Variants in FAM20C observed in about 807,000 individuals in gnomAD.
FAM20C encodes extracellular serine/threonine protein kinase FAM20C.
FAM20C carries 40 observed loss-of-function variants against 51.5 expected under a neutral mutation model. That is an observed-to-expected ratio of 0.78 (90% CI 0.60 to 1.01). The LOEUF (loss-of-function observed/expected upper bound fraction) is 1.01, where lower values mean the gene tolerates loss of function less well. FAM20C is among the 50% of genes least tolerant of loss of function. The pLI, the probability that FAM20C is intolerant of heterozygous loss-of-function variation, is 0.00. For synonymous variants in FAM20C, 406 were observed against 380.6 expected (o/e 1.07, Z -0.78); for missense variants, 861 against 844.7 (o/e 1.02, Z -0.24).
chr7:218,260 T>C (rs1787094945), intron 3 of FAM20C, among the ~76,000 whole-genome samples: 1 of 152,110 alleles, frequency 6.6e-6, no homozygotes, highest in Non-Finnish European at 1.5e-5. Flanking sequence ...TGTGGGGCCT[T>C]TCCGGCAGCT....
In FAM20C at chr7:235,127, G is replaced by A. The variant is rs1018856951; in HGVS notation, c.864-11288G>A. Among the ~76,000 whole-genome samples the A allele has an allele frequency of 5.5e-3, 836 of 151,956 alleles. 5 individuals are homozygous for A. Among genetic ancestry groups the A allele is most frequent in the Non-Finnish European group, 8.0e-3 (541 of 67,906 alleles). On this transcript the variant is annotated intron_variant, in intron 3 of 9. Transcript: ENST00000313766. The stretch of plus-strand genomic sequence containing the variant: ...ACTGTTTACACTGAGCCCAGGCTGC[G>A]GCATTTTCAAACTGTTTACACTGAG...
At chr7:240,951 G>T (rs936852769) in intron 3 of FAM20C, among the ~76,000 whole-genome samples, 1 of 152,192 alleles carries the variant, frequency 6.6e-6, no homozygotes, top group Non-Finnish European at 1.5e-5. Flanking sequence ...CTGAGCAGGG[G>T]GTGGGGCTGA....
intron 7 of FAM20C, 73 bp downstream of exon 7, chr7:256,836 G>A: frequency 6.8e-7 from 1 of 1,467,974 alleles, no homozygotes; most frequent in Non-Finnish European, 9.2e-7. Flanking sequence ...GGGCTCTGCA[G>A]GGCACACTCC....
In FAM20C at chr7:195,839, T is replaced by C. The variant is rs1298152681; in HGVS notation, c.784+107T>C. The stretch of plus-strand genomic sequence containing the variant: ...AGAGGTCTGGGAGGCCGTTGCTCAT[T>C]ACGGCAGCGTCACCTCCTGCAGCAA... On this transcript the variant is annotated intron_variant, in intron 2 of 9. Coordinates refer to ENST00000313766, the MANE Select transcript of FAM20C (RefSeq NM_020223.4). The C allele has an allele frequency of 2.7e-6, 3 of 1,121,762 alleles. No homozygotes were observed. The Admixed American group carries it at 1.1e-4, about 41-fold the overall frequency. The allele number at this position is 1,121,762 out of a possible 1,614,324, so 69.5% of individuals were successfully genotyped here.
At chr7:254,924 T>C (rs1352301884) in intron 5 of FAM20C, among the ~76,000 whole-genome samples, 1 of 133,764 alleles carries the variant, frequency 7.5e-6, no homozygotes, top group Non-Finnish European at 1.6e-5. Context: ...TTCATTCCTC[T>C]TCTTGTTTCA....
At chr7:222,555 G>T (rs1445438226) in intron 3 of FAM20C, among the ~76,000 whole-genome samples, 2 of 152,158 alleles carry the variant, frequency 1.3e-5, no homozygotes, top group African/African-American at 4.8e-5. Flanking sequence ...CCCTCCTGGG[G>T]GCTCTGAGAC....
intron 3 of FAM20C, among the ~76,000 whole-genome samples, chr7:236,945 G>T (rs1043546686): frequency 1.3e-5 from 2 of 152,212 alleles, no homozygotes; most frequent in South Asian, 2.1e-4. Context: ...CCTCTTCCAG[G>T]AGTGGGACAT....
rs532631389 is a variant in FAM20C, at chr7:208,795, A to G, written c.785-103A>G. The G allele has an allele frequency of 7.6e-5, 90 of 1,187,824 alleles. No homozygotes were observed. The African/African-American group carries it at 1.2e-3, about 15-fold the overall frequency. The allele number at this position is 1,187,824 out of a possible 1,614,324, so 73.6% of individuals were successfully genotyped here. On this transcript the variant is annotated intron_variant, in intron 2 of 9. Coordinates refer to ENST00000313766, the MANE Select transcript of FAM20C (RefSeq NM_020223.4). The stretch of plus-strand genomic sequence containing the variant: ...CCAGGCAGAGTGGGACCCCTGGACC[A>G]TGCCCAGAGGACCCGGATTGCAGCC...
chr7:193,414 C>T lies in FAM20C; in HGVS notation c.215C>T (p.Ala72Val). The T allele has an allele frequency of 1.4e-6, 2 of 1,412,524 alleles. No individual in the cohort carries two copies. The highest frequency in any genetic ancestry group is 1.9e-6 in the Non-Finnish European group (2 of 1,071,726). 87.5% of individuals were successfully genotyped at this position (1,412,524 alleles called of 1,614,324 possible). Residue 72 changes from alanine to valine, a missense_variant, in exon 1 of 10, where the codon GCC (alanine) becomes GTC (valine). This residue lies in a region of FAM20C where 561 missense variants were observed against 499.8 expected (regional missense o/e 1.12). Transcript: ENST00000313766. The stretch of plus-strand genomic sequence containing the variant: ...CGGGGCCGCCCCGGGGAGCCCCCGG[C>T]CGCCTCCTCCGCCGCCGGCGACGCG... ...QVRGRPGEPP[A>V]ASSAAGDAGW...
intron 3 of FAM20C, among the ~76,000 whole-genome samples, chr7:210,241 C>G (rs888417450): frequency 6.6e-6 from 1 of 152,180 alleles, no homozygotes; most frequent in African/African-American, 2.4e-5. Context: ...CCTGAGATCA[C>G]AAGCACTTCC....
At chr7:251,194 GGC>G (rs1238114028) in intron 5 of FAM20C, among the ~76,000 whole-genome samples, 4 of 149,914 alleles carry the variant, frequency 2.7e-5, no homozygotes, top group African/African-American at 9.9e-5. Context: ...GGCCGGGCAC[GGC>G]GGCTCACGGC....
intron 5 of FAM20C, among the ~76,000 whole-genome samples, chr7:251,670 C>T (rs1162924928): frequency 2.6e-5 from 4 of 152,206 alleles, no homozygotes; most frequent in Admixed American, 6.5e-5. Context: ...TGCTGCAAGG[C>T]GGCCATCGAC....
intron 3 of FAM20C, among the ~76,000 whole-genome samples, chr7:231,336 C>G (rs898368071): frequency 1.3e-5 from 2 of 152,236 alleles, no homozygotes; most frequent in South Asian, 2.1e-4. Context: ...GTGAATGACA[C>G]GCATCAGTGG....
At chr7:236,857 G>GA (rs2039790158) in intron 3 of FAM20C, among the ~76,000 whole-genome samples, 1 of 152,112 alleles carries the variant, frequency 6.6e-6, no homozygotes, top group Admixed American at 6.5e-5. Context: ...GGGTGCCCTG[G>GA]AATCTGGGGT....
At chr7:241,689 CAT>C (rs1223401556) in intron 3 of FAM20C, among the ~76,000 whole-genome samples, 6 of 152,024 alleles carry the variant, frequency 3.9e-5, no homozygotes, top group South Asian at 2.1e-4. Context: ...TATCTGTGCA[CAT>C]ATGTGTGTGC....
At chr7:246,531 A>G (rs1788168582) in intron 4 of FAM20C, 24 bp downstream of exon 4, 1 of 1,497,984 alleles carries the variant, frequency 6.7e-7, no homozygotes, top group Non-Finnish European at 8.9e-7. Context: ...TCCTCCCTCC[A>G]TCCGCGCTCC....
At chr7:245,938 C>T (rs1458012905) in intron 3 of FAM20C, 2 of 153,842 alleles carry the variant, frequency 1.3e-5, no homozygotes, top group African/African-American at 4.8e-5. Context: ...GTGGGGGAGA[C>T]TCGGAAACCA....
At chr7:217,890 C>T (rs1562377247) in intron 3 of FAM20C, among the ~76,000 whole-genome samples, 1 of 152,080 alleles carries the variant, frequency 6.6e-6, no homozygotes, top group Non-Finnish European at 1.5e-5. Flanking sequence ...TGGTGGTGCA[C>T]GTTGGCTGGG....
chr7:257,795 TG>T (rs1354995455), intron 8 of FAM20C, among the ~76,000 whole-genome samples: 1 of 120,450 alleles, frequency 8.3e-6, no homozygotes, highest in Non-Finnish European at 1.8e-5. Context: ...GTGCTGGAGA[TG>T]GGCTGGGTGG....
Sources: allele counts gnomAD v4.1 joint callset (sites outside exome capture counted in the v4.1 genomes callset), GRCh38; gene constraint gnomAD v4.1.1; regional missense constraint gnomAD v4.1.1; transcripts MANE v1.5; gene names NCBI Gene and HGNC (gene_info 2026-07-23, HGNC 2026-07-21).